CFAP43: variants seen among roughly 807,000 people sequenced by gnomAD.
CFAP43 encodes cilia- and flagella-associated protein 43.
In CFAP43, 155 loss-of-function variants were observed where a neutral mutation model predicts 218.9. That is an observed-to-expected ratio of 0.71 (90% confidence interval 0.62 to 0.81). The LOEUF is 0.81. Ranked by LOEUF, CFAP43 falls within the 30% of genes least tolerant of loss-of-function variation. The probability of loss-of-function intolerance (pLI) is 0.00; values close to 1 mark genes in which losing one functional copy is unlikely to be tolerated. For synonymous variants in CFAP43, 645 were observed against 681.3 expected (o/e 0.95, Z 0.83); for missense variants, 1,778 against 1,954.3 (o/e 0.91, Z 1.70).
At chr10:104,222,631 A>G (rs1217889386) in intron 3 of CFAP43, among the ~76,000 whole-genome samples, 1 of 152,076 alleles carries the variant, frequency 6.6e-6, no homozygotes, top group East Asian at 1.9e-4. Context: ...CAAATTTCCT[A>G]AATAGAAGTG....
At position 104,188,985 on chromosome 10, in the gene CFAP43, C is replaced by T. The variant is rs561937116; in HGVS notation, c.1547-575G>A. 2.0e-5 allele frequency among the ~76,000 whole-genome samples: 3 copies of T among 152,270 alleles called. No individual in the cohort carries two copies. The South Asian group carries it at 6.2e-4, about 32-fold the overall frequency. ...CTGCAGGTGCCCACTTTCTCAGGCC[C>T]TTCCCCAGGCGGTCAGCAGATGACC... On this transcript the variant is annotated intron_variant, in intron 12 of 37. Coordinates refer to ENST00000357060, the MANE Select transcript of CFAP43 (RefSeq NM_025145.7).
intron 21 of CFAP43, among the ~76,000 whole-genome samples, 189 bp from the exon 22 acceptor site, chr10:104,167,926 T>C (rs964778050): frequency 6.6e-6 from 1 of 152,330 alleles, no homozygotes; most frequent in South Asian, 2.1e-4. Context: ...AAACTTTATA[T>C]AAAATACTGT....
At position 104,145,541 on chromosome 10, in the gene CFAP43, C is replaced by T. The variant is rs1162365154; in HGVS notation, c.3879G>A (p.Lys1293=). 1 of 1,601,642 alleles carries T rather than the reference C, an allele frequency of 6.2e-7. No individual in the cohort carries two copies. Among genetic ancestry groups the T allele is most frequent in the African/African-American group, 1.3e-5 (1 of 74,784 alleles). The change falls in exon 31 of 38, where the codon AAG becomes AAA. Residue 1293 remains lysine, a synonymous_variant. Coordinates refer to ENST00000357060, the MANE Select transcript of CFAP43 (RefSeq NM_025145.7). The part of the protein sequence containing the change: ...EDKVMDRSFK[K]EFSEIPGHQV... The stretch of plus-strand genomic sequence containing the variant: ...GATGACCAGGAATTTCAGAAAATTC[C>T]TTTTTAAAGCTGCGATCCATAACCT...
chr10:104,205,342 C>A (rs1459905453), intron 7 of CFAP43, among the ~76,000 whole-genome samples: 1 of 151,770 alleles, frequency 6.6e-6, no homozygotes, highest in East Asian at 1.9e-4. Context: ...CACCTATGTT[C>A]AAGCCCTAAC....
chr10:104,212,008 C>T lies in CFAP43; in HGVS notation c.734G>A (p.Arg245Gln), dbSNP rs781044182. The stretch of plus-strand genomic sequence containing the variant: ...CAGGAAGAGGTGCCAGGTAATTACC[C>T]GGAAAGTCTCTGCCTCTTTGCCTAC... ...GLVGKEAETF[R>Q]PKDDLYPLLH... The change falls in exon 5 of 38, where the codon CGG becomes CAG. Residue 245 changes from arginine to glutamine, a missense_variant and splice_region_variant. By Grantham distance (43) the Arg-to-Gln change is conservative (BLOSUM62 1). Around this residue, in one of 3 missense-constraint regions of CFAP43, gnomAD observed 1,553 missense variants for 1,685.2 expected, o/e 0.92. Transcript: ENST00000357060. The T allele has an allele frequency of 9.3e-6, 15 of 1,611,408 alleles. No individual in the cohort carries two copies. Among genetic ancestry groups the T allele is most frequent in the Non-Finnish European group, 1.3e-5 (15 of 1,178,444 alleles).
chr10:104,159,998 G>A (rs77591937), intron 27 of CFAP43, among the ~76,000 whole-genome samples: 2,634 of 152,250 alleles, frequency 0.017, 84 homozygotes, highest in African/African-American at 0.061. Flanking sequence ...TTGAGATTAA[G>A]GTCATAATTT....
At chr10:104,167,419 T>A (rs1024625857) in intron 22 of CFAP43, among the ~76,000 whole-genome samples, 3 of 152,182 alleles carry the variant, frequency 2.0e-5, no homozygotes, top group Non-Finnish European at 4.4e-5. Context: ...GCCAGTGTTG[T>A]ATAGGATACA....
chr10:104,168,867 A>G lies in CFAP43; in HGVS notation c.2587-19T>C. ...TTATCATCTTGAAGAACACAGACAA[A>G]GGGAAAAGATAAAAATGAAAGTGTG... is the stretch of plus-strand genomic sequence containing the variant. On this transcript the variant is annotated intron_variant, in intron 20 of 37. Transcript: ENST00000357060. 1 of 1,575,240 alleles carries G rather than the reference A, an allele frequency of 6.3e-7. No homozygotes were observed. Among genetic ancestry groups the G allele is most frequent in the Non-Finnish European group, 8.7e-7 (1 of 1,147,142 alleles).
At chr10:104,209,414 T>C (rs953840442) in intron 5 of CFAP43, among the ~76,000 whole-genome samples, 3 of 152,194 alleles carry the variant, frequency 2.0e-5, no homozygotes, top group Non-Finnish European at 4.4e-5. Context: ...TAAAGATGTC[T>C]GCCCAGACAA....
chr10:104,179,048 A>T lies in CFAP43; in HGVS notation c.2441T>A (p.Ile814Asn). 6.2e-7 allele frequency: 1 copy of T among 1,613,020 alleles called. No homozygotes were observed. The highest frequency in any genetic ancestry group is 8.5e-7 in the Non-Finnish European group (1 of 1,179,404). Residue 814 changes from isoleucine (I) to asparagine (N), a missense_variant, in exon 19 of 38, where the codon ATC becomes AAC. Around this residue, in one of 3 missense-constraint regions of CFAP43, gnomAD observed 1,553 missense variants for 1,685.2 expected, o/e 0.92. Coordinates refer to ENST00000357060, the MANE Select transcript of CFAP43 (RefSeq NM_025145.7). ...ACTTACAGTTTTGGAAAGTGATTTG[A>T]TTCCTTGTTTTATCTCTTTCCTTTT... is the stretch of plus-strand genomic sequence containing the variant. ...SKKRKEIKQG[I>N]KSLSKTILNM...
intron 10 of CFAP43, among the ~76,000 whole-genome samples, chr10:104,196,065 C>T (rs2090372828): frequency 6.6e-6 from 1 of 152,208 alleles, no homozygotes; most frequent in African/African-American, 2.4e-5. Flanking sequence ...TGTTCTTCCT[C>T]CTCCTACAGC....
At chr10:104,212,422 A>T (rs2090892448) in intron 4 of CFAP43, among the ~76,000 whole-genome samples, 1 of 152,180 alleles carries the variant, frequency 6.6e-6, no homozygotes, top group African/African-American at 2.4e-5. Flanking sequence ...ATACTGGATG[A>T]GGGTCGGGCA....
At chr10:104,183,048 G>A (rs537331036) in intron 16 of CFAP43, among the ~76,000 whole-genome samples, 3 of 152,220 alleles carry the variant, frequency 2.0e-5, no homozygotes, top group Non-Finnish European at 2.9e-5. Context: ...CTGAGCTCTC[G>A]GAATGCACCA....
intron 20 of CFAP43, among the ~76,000 whole-genome samples, chr10:104,170,220 A>C (rs932825419): frequency 3.3e-5 from 5 of 151,840 alleles, no homozygotes; most frequent in Admixed American, 6.6e-5. Context: ...AAACAATATG[A>C]GGGAAACTAG....
intron 2 of CFAP43, among the ~76,000 whole-genome samples, chr10:104,226,848 G>C (rs934733847): frequency 6.6e-6 from 1 of 151,986 alleles, no homozygotes; most frequent in Non-Finnish European, 1.5e-5. Flanking sequence ...GTAAAACCTC[G>C]TCTCTACTAA....
At chr10:104,154,616 C>A (rs890359128) in intron 27 of CFAP43, among the ~76,000 whole-genome samples, 1 of 152,186 alleles carries the variant, frequency 6.6e-6, no homozygotes, top group Non-Finnish European at 1.5e-5. Context: ...TGGCCACAGA[C>A]CCAGCTGGCT....
intron 5 of CFAP43, among the ~76,000 whole-genome samples, chr10:104,208,528 A>G (rs2090762374): frequency 6.6e-6 from 1 of 152,298 alleles, no homozygotes; most frequent in South Asian, 2.1e-4. Flanking sequence ...GAATGTGAGT[A>G]TATGGATTAT....
At chr10:104,142,475 T>TAAA in intron 32 of CFAP43, 82 bp from the exon 33 acceptor site, 2 of 1,009,698 alleles carry the variant, frequency 2.0e-6, no homozygotes, top group Non-Finnish European at 2.9e-6. Context: ...TTTTTAAATT[T>TAAA]AAAAACCTTA....
At chr10:104,173,636 A>C (rs1431712275) in intron 19 of CFAP43, among the ~76,000 whole-genome samples, 1 of 152,216 alleles carries the variant, frequency 6.6e-6, no homozygotes, top group East Asian at 1.9e-4. Context: ...GGAATCTGTT[A>C]GTGGCTAGAA....
Sources: gnomAD v4.1 joint callset for allele counts (sites outside exome capture counted in the v4.1 genomes callset) on GRCh38, gnomAD v4.1.1 for gene constraint, gnomAD v4.1.1 regional missense constraint, MANE v1.5 for transcripts, NCBI Gene and HGNC (gene_info 2026-07-23, HGNC 2026-07-21) for gene names.